CCN5: variants seen among roughly 807,000 people sequenced by gnomAD.
CCN5 encodes the protein cellular communication network factor 5.
In CCN5, 17 loss-of-function variants were observed where a neutral mutation model predicts 18.7. The observed-to-expected ratio is 0.91, with a 90% CI of 0.62 to 1.36. The LOEUF is 1.36. CCN5 is among the 40% of genes most tolerant of loss of function. The pLI, the probability that CCN5 is intolerant of heterozygous loss-of-function variation, is 0.00. For synonymous variants in CCN5, 135 were observed against 145.2 expected (o/e 0.93, Z 0.50); for missense variants, 367 against 342.9 (o/e 1.07, Z -0.56).
intron 2 of CCN5, chr20:44,723,790 G>C (rs937742468): frequency 1.3e-5 from 2 of 152,258 alleles, no homozygotes; most frequent in African/African-American, 2.4e-5. Context: ...GAGCACAGTG[G>C]TTGGCACACA....
At chr20:44,727,017 C>CTGGCAGG in intron 3 of CCN5, 70 bp from the exon 4 acceptor site, 1 of 1,441,318 alleles carries the variant, frequency 6.9e-7, no homozygotes, top group African/African-American at 1.4e-5. Context: ...GCCGTGGCCG[C>CTGGCAGG]TGGCAGGTGG....
chr20:44,715,584 T>G, intron 1 of CCN5, 134 bp downstream of exon 1: 2 of 978,350 alleles, frequency 2.0e-6, no homozygotes. Flanking sequence ...CTGGCCCCCA[T>G]GCCTAAGCAG....
chr20:44,717,004 G>T lies in CCN5; in HGVS notation c.60+1554G>T, dbSNP rs1024737078. The stretch of plus-strand genomic sequence containing the variant: ...TCAACTCTTGCCCAAAAAACTCCAT[G>T]CCCAGTACTCCTGCCCCAGATATCA... On this transcript the variant is annotated intron_variant, in intron 1 of 3. Transcript: ENST00000190983. Among the ~76,000 whole-genome samples the T allele has an allele frequency of 4.6e-5, 7 of 152,224 alleles. No individual in the cohort carries two copies. The East Asian group carries it at 1.4e-3, about 29-fold the overall frequency.
At chr20:44,723,105 C>A (rs986051777) in intron 2 of CCN5, among the ~76,000 whole-genome samples, 5 of 152,066 alleles carry the variant, frequency 3.3e-5, no homozygotes, top group African/African-American at 1.2e-4. Context: ...TCCTCTCTGA[C>A]CTCCTCTCCT....
At chr20:44,718,623 G>A (rs1457758195) in intron 1 of CCN5, among the ~76,000 whole-genome samples, 1 of 152,176 alleles carries the variant, frequency 6.6e-6, no homozygotes, top group Middle Eastern at 3.2e-3. Flanking sequence ...CCCTGATCCT[G>A]TCTCTGGGGA....
Position 44,724,932 on chromosome 20 carries a change from T to C in CCN5, c.472T>C (p.Cys158Arg), listed in dbSNP as rs746567145. The change falls in exon 3 of 4, where the codon TGC (cysteine) becomes CGC (arginine). Residue 158 changes from cysteine to arginine, a missense_variant. Cys to Arg is a radical substitution (Grantham distance 180, BLOSUM62 -3). Coordinates refer to ENST00000190983, the MANE Select transcript of CCN5 (RefSeq NM_003881.4). ...GAGGGTCGAGGTCCTGGGCAAGTGC[T>C]GCCCTGAGTGGGTGTGCGGCCAAGG... is the stretch of plus-strand genomic sequence containing the variant. ...PRRVEVLGKCCPEWVCGQGGG... is the reference protein window; with the variant it reads ...PRRVEVLGKCRPEWVCGQGGG... 4 of 1,597,018 alleles carry C rather than the reference T, an allele frequency of 2.5e-6. No individual in the cohort carries two copies. Among genetic ancestry groups the C allele is most frequent in the Non-Finnish European group, 2.6e-6 (3 of 1,173,452 alleles).
At position 44,719,955 on chromosome 20, in the gene CCN5, C is replaced by T. The variant is rs201427891; in HGVS notation, c.119C>T (p.Pro40Leu). The T allele has an allele frequency of 3.8e-5, 61 of 1,613,768 alleles. No individual in the cohort carries two copies. Among genetic ancestry groups the T allele is most frequent in the Admixed American group, 1.2e-4 (7 of 59,980 alleles). The change falls in exon 2 of 4, where the codon CCG becomes CTG. Residue 40 changes from proline to leucine, a missense_variant. Coordinates refer to ENST00000190983, the MANE Select transcript of CCN5 (RefSeq NM_003881.4). ...CTCPWPPPRC[P>L]LGVPLVLDGC... ...TGCCCCTGGCCACCTCCCCGATGCCCGCTGGGAGTACCCCTGGTGCTGGAT... is the reference window on the plus strand; with the variant it reads ...TGCCCCTGGCCACCTCCCCGATGCCTGCTGGGAGTACCCCTGGTGCTGGAT...
intron 2 of CCN5, 171 bp from the exon 3 acceptor site, chr20:44,724,567 C>A: frequency 9.9e-7 from 1 of 1,013,630 alleles, no homozygotes; most frequent in Non-Finnish European, 1.4e-6. Context: ...TCCAGGGTGC[C>A]CCAGCAGGCT....
rs1226184140 is a variant in CCN5, at chr20:44,715,487, A to G, written c.60+37A>G. On this transcript the variant is annotated intron_variant, in intron 1 of 3. Coordinates refer to ENST00000190983, the MANE Select transcript of CCN5 (RefSeq NM_003881.4). ...CGGGCCCTGGAATGCACTGCTGACT[A>G]TTTGGGTGTGGAGGGGGTGGGGATG... 1.9e-6 allele frequency: 3 copies of G among 1,561,644 alleles called. No homozygotes were observed. In the Admixed American group the frequency reaches 5.6e-5, roughly 29 times the overall value.
At chr20:44,726,385 G>A (rs2065936331) in intron 3 of CCN5, among the ~76,000 whole-genome samples, 1 of 152,126 alleles carries the variant, frequency 6.6e-6, no homozygotes, top group East Asian at 1.9e-4. Context: ...ACACATGTGG[G>A]TAGAAATCAG....
upstream of CCN5, chr20:44,715,356 C>T (rs185897223): frequency 1.6e-3 from 2,448 of 1,578,820 alleles, 8 homozygotes; most frequent in African/African-American, 0.014. Flanking sequence ...CTCACAGGTC[C>T]GCCTCCCAGG....
chr20:44,715,623 C>T (rs1743443898), intron 1 of CCN5, among the ~76,000 whole-genome samples, 173 bp downstream of exon 1: 1 of 152,226 alleles, frequency 6.6e-6, no homozygotes, highest in Admixed American at 6.5e-5. Context: ...TCAGAGCTGC[C>T]TCCGGCCAGC....
At chr20:44,723,276 A>G (rs1054439268) in intron 2 of CCN5, among the ~76,000 whole-genome samples, 1 of 150,228 alleles carries the variant, frequency 6.7e-6, no homozygotes, top group Non-Finnish European at 1.5e-5. Flanking sequence ...GACTTACAGC[A>G]TTTTGCCCCA....
intron 2 of CCN5, among the ~76,000 whole-genome samples, chr20:44,721,896 G>A (rs1001457884): frequency 3.9e-5 from 6 of 152,232 alleles, no homozygotes; most frequent in Non-Finnish European, 8.8e-5. Flanking sequence ...ATAAGCGGCA[G>A]AGCTGAGATT....
chr20:44,719,597 T>G (rs1242261569), intron 1 of CCN5, among the ~76,000 whole-genome samples: 1 of 152,088 alleles, frequency 6.6e-6, no homozygotes, highest in Non-Finnish European at 1.5e-5. Context: ...GAGGTTGAAG[T>G]GAGGCTGGGA....
chr20:44,726,006 A>G (rs2065933961), intron 3 of CCN5, among the ~76,000 whole-genome samples: 1 of 152,194 alleles, frequency 6.6e-6, no homozygotes, highest in Non-Finnish European at 1.5e-5. Context: ...GGCATCTGCA[A>G]CAGCCCCGCC....
chr20:44,727,123 C>G lies in CCN5; in HGVS notation c.569C>G (p.Pro190Arg), dbSNP rs1372579341. Residue 190 changes from proline to arginine, a missense_variant, in exon 4 of 4, where the codon CCT becomes CGT. Pro to Arg is a moderately radical substitution (Grantham distance 103). Transcript: ENST00000190983. ...TCTGGCCTTGTCTCTTCCCTGCCCC[C>G]TGGTGTCCCCTGCCCAGAATGGAGC... Reference protein sequence around the residue: ...QFSGLVSSLPPGVPCPEWSTA... With the variant: ...QFSGLVSSLPRGVPCPEWSTA... 6.2e-7 allele frequency: 1 copy of G among 1,606,906 alleles called. No homozygotes were observed. Among genetic ancestry groups the G allele is most frequent in the Non-Finnish European group, 8.5e-7 (1 of 1,175,882 alleles).
At chr20:44,724,424 T>G in intron 2 of CCN5, 3 of 429,162 alleles carry the variant, frequency 7.0e-6, no homozygotes, top group Non-Finnish European at 1.2e-5. Context: ...ATAAGTACCA[T>G]TATATCCCAG....
rs1256573934 is a variant in CCN5 at position 44,725,133 on chromosome 20, G to A, written c.532+141G>A. ...GCTGGGAGGGGCGGAGGCTGAGGAGGGAGATAAGAAAGAGGAGTGGAGGGC... is the reference window on the plus strand; with the variant it reads ...GCTGGGAGGGGCGGAGGCTGAGGAGAGAGATAAGAAAGAGGAGTGGAGGGC... On this transcript the variant is annotated intron_variant, in intron 3 of 3. Transcript: ENST00000190983. 1.3e-5 allele frequency: 16 copies of A among 1,231,918 alleles called. No homozygotes were observed. In the East Asian group the frequency reaches 4.6e-4, roughly 35 times the overall value. 76.3% of individuals were successfully genotyped at this position (1,231,918 alleles called of 1,614,324 possible).
Sources: allele counts gnomAD v4.1 joint callset (sites outside exome capture counted in the v4.1 genomes callset), GRCh38; gene constraint gnomAD v4.1.1; transcripts MANE v1.5; gene names NCBI Gene and HGNC (gene_info 2026-07-23, HGNC 2026-07-21).